LSAMP: variants seen among roughly 807,000 people sequenced by gnomAD.
The protein encoded by LSAMP is limbic system-associated membrane protein.
LSAMP carries 7 observed loss-of-function variants against 38.6 expected under a neutral mutation model. The ratio of observed to expected loss-of-function variants is 0.18; its 90% CI spans 0.10 to 0.34. The LOEUF (loss-of-function observed/expected upper bound fraction) is 0.34, where lower values mean the gene tolerates loss of function less well. Among genes scored for constraint, LSAMP ranks in the 10% least tolerant of loss-of-function variants. LSAMP has a pLI of 1.00. For synonymous variants in LSAMP, 154 were observed against 166.8 expected (o/e 0.92, Z 0.59); for missense variants, 313 against 420.0 (o/e 0.75, Z 2.23).
At chr3:116,232,042 A>G (rs895646443) in intron 1 of LSAMP, among the ~76,000 whole-genome samples, 1 of 152,198 alleles carries the variant, frequency 6.6e-6, no homozygotes, top group Non-Finnish European at 1.5e-5. Flanking sequence ...ACGTATTTCT[A>G]CAACTTATAA....
At chr3:116,405,369 C>T (rs573770170) in intron 1 of LSAMP, among the ~76,000 whole-genome samples, 15 of 152,080 alleles carry the variant, frequency 9.9e-5, no homozygotes, top group East Asian at 7.7e-4. Context: ...ACTTATCTTC[C>T]GGATAAGAAC....
intron 3 of LSAMP, among the ~76,000 whole-genome samples, chr3:115,910,731 A>T (rs1248769370): frequency 6.6e-6 from 1 of 152,042 alleles, no homozygotes; most frequent in African/African-American, 2.4e-5. Flanking sequence ...CAAACCACTA[A>T]CCTCTTCTTC....
chr3:116,285,806 A>T (rs954354968), intron 1 of LSAMP, among the ~76,000 whole-genome samples: 1 of 152,102 alleles, frequency 6.6e-6, no homozygotes, highest in African/African-American at 2.4e-5. Flanking sequence ...TCACCCCACT[A>T]CACAAAACAG....
intron 3 of LSAMP, among the ~76,000 whole-genome samples, chr3:115,877,521 G>A (rs1408699656): frequency 3.3e-5 from 5 of 151,874 alleles, no homozygotes; most frequent in African/African-American, 1.2e-4. Context: ...AAAACAGAAC[G>A]ACAATGTAGC....
chr3:116,131,968 T>C (rs879853438), intron 1 of LSAMP, among the ~76,000 whole-genome samples: 4 of 151,926 alleles, frequency 2.6e-5, no homozygotes, highest in African/African-American at 7.2e-5. Context: ...GCTGGAATTA[T>C]AGGTGCACAC....
At chr3:116,444,464 A>G (rs975798731) in intron 1 of LSAMP, among the ~76,000 whole-genome samples, 1 of 150,520 alleles carries the variant, frequency 6.6e-6, no homozygotes, top group African/African-American at 2.4e-5. Flanking sequence ...TCTGAGAGCC[A>G]TAATCCAACA....
At chr3:115,937,755 G>A (rs1937755181) in intron 3 of LSAMP, among the ~76,000 whole-genome samples, 2 of 150,710 alleles carry the variant, frequency 1.3e-5, no homozygotes, top group Non-Finnish European at 3.0e-5. Context: ...TTGTTAAAAG[G>A]GAAGCCCGCA....
At chr3:116,190,305 C>T (rs1207616113) in intron 1 of LSAMP, among the ~76,000 whole-genome samples, 1 of 152,234 alleles carries the variant, frequency 6.6e-6, no homozygotes, top group South Asian at 2.1e-4. Context: ...TCCTTTCCCC[C>T]CTTTTTATTA....
Position 116,150,794 on chromosome 3 carries a change from T to C in LSAMP, c.156-64238A>G, listed in dbSNP as rs1016840409. 1.3e-4 allele frequency among the ~76,000 whole-genome samples: 20 copies of C among 151,914 alleles called. 1 individual carries two copies. Among genetic ancestry groups the C allele is most frequent in the African/African-American group, 4.8e-4 (20 of 41,394 alleles). ...TAGAAGCAAGTTTTAAAACAGTAAA[T>C]ACAAAATTATGAGGATGTAATGGCA... On this transcript the variant is annotated intron_variant, in intron 1 of 6. Transcript: ENST00000490035.
At chr3:116,017,986 G>A (rs1002867749) in intron 3 of LSAMP, among the ~76,000 whole-genome samples, 6 of 152,102 alleles carry the variant, frequency 3.9e-5, no homozygotes, top group African/African-American at 9.7e-5. Flanking sequence ...CAAGTAGAAC[G>A]TGCTCTGAAG....
chr3:115,908,453 T>C (rs1245670581), intron 3 of LSAMP, among the ~76,000 whole-genome samples: 2 of 152,122 alleles, frequency 1.3e-5, no homozygotes, highest in African/African-American at 2.4e-5. Flanking sequence ...ATGGCCAGAT[T>C]TGCAAAAACC....
intron 1 of LSAMP, among the ~76,000 whole-genome samples, chr3:116,397,701 G>A (rs1227329564): frequency 1.3e-5 from 2 of 151,852 alleles, no homozygotes; most frequent in Non-Finnish European, 2.9e-5. Flanking sequence ...TTCTTATAAA[G>A]TGAATATAGT....
chr3:116,109,449 G>A (rs908310679), intron 1 of LSAMP, among the ~76,000 whole-genome samples: 6 of 152,106 alleles, frequency 3.9e-5, no homozygotes, highest in African/African-American at 9.7e-5. Flanking sequence ...GGCGACAGGC[G>A]GGAGGGAAAG....
chr3:116,327,038 T>A (rs796556169), intron 1 of LSAMP, among the ~76,000 whole-genome samples: 5 of 152,258 alleles, frequency 3.3e-5, no homozygotes, highest in African/African-American at 1.2e-4. Flanking sequence ...CCAGTTAGGT[T>A]TTTCTTAGAT....
intron 3 of LSAMP, among the ~76,000 whole-genome samples, chr3:115,930,642 A>G (rs770717481): frequency 3.3e-5 from 5 of 152,230 alleles, no homozygotes; most frequent in African/African-American, 1.2e-4. Context: ...AACAGCCTAC[A>G]ATCCAAATGA....
rs926791995 is a variant in LSAMP, at chr3:116,293,121, A to AGAT, written c.155+151753_155+151755dup. ...CTCATGTTTGGCTTTTTTCCCTGTG[A>AGAT]GATAAGAACATCTCTTTTGGATGTC... is the stretch of plus-strand genomic sequence containing the variant. On this transcript the variant is annotated intron_variant, in intron 1 of 6. Transcript: ENST00000490035. Among the ~76,000 whole-genome samples the AGAT allele has an allele frequency of 5.3e-4, 80 of 152,238 alleles. 3 individuals are homozygous for AGAT. In the South Asian group the frequency reaches 5.6e-3, roughly 11 times the overall value.
chr3:116,156,549 A>G (rs1161999727), intron 1 of LSAMP, among the ~76,000 whole-genome samples: 1 of 152,150 alleles, frequency 6.6e-6, no homozygotes, highest in Non-Finnish European at 1.5e-5. Context: ...ACTAAATGGT[A>G]TGAATTAAGT....
At chr3:116,366,929 TG>T in intron 1 of LSAMP, among the ~76,000 whole-genome samples, 1 of 152,292 alleles carries the variant, frequency 6.6e-6, no homozygotes, top group African/African-American at 2.4e-5. Flanking sequence ...TCACAAAATA[TG>T]GGTGGTAGGG....
chr3:116,370,924 A>G (rs1307742103), intron 1 of LSAMP, among the ~76,000 whole-genome samples: 2 of 152,194 alleles, frequency 1.3e-5, no homozygotes. Context: ...ATAAATAAAA[A>G]AGATTATAAG....
Sources: gnomAD v4.1 joint callset for allele counts (sites outside exome capture counted in the v4.1 genomes callset) on GRCh38, gnomAD v4.1.1 for gene constraint, MANE v1.5 for transcripts, NCBI Gene and HGNC (gene_info 2026-07-23, HGNC 2026-07-21) for gene names.